The following CASK variants were observed in gnomAD, a reference collection of about 807,000 sequenced individuals.
CASK encodes the protein peripheral plasma membrane protein CASK.
In CASK, 4 loss-of-function variants were observed where a neutral mutation model predicts 82.9. That is an observed-to-expected ratio of 0.05 (90% CI 0.02 to 0.11). CASK has a LOEUF of 0.11. Ranked by LOEUF, CASK falls within the 10% of genes least tolerant of loss-of-function variation. The probability of loss-of-function intolerance (pLI) is 1.00; values close to 1 mark genes in which losing one functional copy is unlikely to be tolerated. For synonymous variants in CASK, 259 were observed against 253.5 expected (o/e 1.02, Z -0.20); for missense variants, 358 against 720.9 (o/e 0.50, Z 5.76).
chrX:41,545,828 C>A (rs1371203615), intron 21 of CASK, among the ~76,000 whole-genome samples: 2 of 109,609 alleles, frequency 1.8e-5, no homozygotes, highest in Non-Finnish European at 3.8e-5. Flanking sequence ...TAATTCCCCC[C>A]CCACCCCCGC....
chrX:41,664,789 C>T (rs191714494), intron 7 of CASK, among the ~76,000 whole-genome samples: 67 of 112,494 alleles, frequency 6.0e-4, no homozygotes, highest in African/African-American at 2.1e-3. Context: ...CACCTAATAG[C>T]CAAAGAAGAA....
At chrX:41,904,380 T>C (rs2148071889) in intron 1 of CASK, among the ~76,000 whole-genome samples, 1 of 111,844 alleles carries the variant, frequency 8.9e-6, no homozygotes, top group East Asian at 2.8e-4. Flanking sequence ...CATTTCTATA[T>C]ACTAACAACA....
intron 2 of CASK, among the ~76,000 whole-genome samples, chrX:41,807,789 A>G (rs1263232727): frequency 1.8e-5 from 2 of 111,713 alleles, no homozygotes; most frequent in African/African-American, 6.5e-5. Context: ...CACTCTCGCG[A>G]TAACAACATA....
chrX:41,610,112 C>A, intron 11 of CASK, 87 bp from the exon 12 acceptor site: 1 of 926,859 alleles, frequency 1.1e-6, no homozygotes, highest in Non-Finnish European at 1.5e-6. Flanking sequence ...CACTTAAGAA[C>A]AATGAATTCA....
chrX:41,584,155 T>A (rs1327552737), intron 14 of CASK: 3 of 113,026 alleles, frequency 2.7e-5, no homozygotes, highest in Admixed American at 9.3e-5. Context: ...GTTTTACTGA[T>A]AACTTACTAT....
chrX:41,899,231 C>T (rs2072324492), intron 1 of CASK, among the ~76,000 whole-genome samples: 1 of 111,252 alleles, frequency 9.0e-6, no homozygotes, highest in Non-Finnish European at 1.9e-5. Context: ...ATAAATATAG[C>T]CACCTCTATT....
intron 3 of CASK, 36 bp from the exon 4 acceptor site, chrX:41,745,637 G>C (rs1031841304): frequency 1.1e-6 from 1 of 940,316 alleles, no homozygotes; most frequent in Non-Finnish European, 1.5e-6. Flanking sequence ...TAAGAAAAGA[G>C]GAAATTCCAG....
chrX:41,698,174 A>T (rs1458851162), intron 5 of CASK: 1 of 112,204 alleles, frequency 8.9e-6, no homozygotes, highest in Non-Finnish European at 1.9e-5. Flanking sequence ...TAATATATAC[A>T]AGATACATAC....
At chrX:41,746,988 A>C (rs1369943545) in intron 3 of CASK, among the ~76,000 whole-genome samples, 2 of 111,533 alleles carry the variant, frequency 1.8e-5, no homozygotes, top group Admixed American at 1.9e-4. Flanking sequence ...AAGCCCTACA[A>C]CAGTTCCATG....
intron 18 of CASK, among the ~76,000 whole-genome samples, 182 bp from the exon 19 acceptor site, chrX:41,557,282 G>A (rs986051866): frequency 3.6e-5 from 4 of 111,492 alleles, no homozygotes; most frequent in African/African-American, 1.3e-4. Context: ...CAGTTCGAAG[G>A]CTCACATATT....
At chrX:41,582,720 G>T (rs1042586443) in intron 14 of CASK, among the ~76,000 whole-genome samples, 5 of 111,652 alleles carry the variant, frequency 4.5e-5, no homozygotes, top group Non-Finnish European at 9.4e-5. Flanking sequence ...AGCCACAAAG[G>T]ACTTCTGCTC....
chrX:41,529,493 G>A (rs1159394260), intron 25 of CASK: 4 of 120,859 alleles, frequency 3.3e-5, no homozygotes, highest in Non-Finnish European at 3.4e-5. Flanking sequence ...AGTCTGAGGA[G>A]CCCTGCAGCC....
intron 5 of CASK, among the ~76,000 whole-genome samples, chrX:41,700,726 C>T (rs752484482): frequency 1.9e-5 from 2 of 106,298 alleles, no homozygotes; most frequent in African/African-American, 3.4e-5. Context: ...ATTACAGGTG[C>T]GTGCCACCAT....
In CASK at chrX:41,720,904, C is replaced by A. The variant is rs73472507; in HGVS notation, c.429+18480G>T. Among the ~76,000 whole-genome samples the A allele has an allele frequency of 5.2e-3, 583 of 111,809 alleles. 4 individuals carry two copies. Among genetic ancestry groups the A allele is most frequent in the African/African-American group, 0.018 (568 of 30,736 alleles). ...TGCCCTTTGAAACACTCTCACTGAA[C>A]CACTCCAGATGAATTTTGGGGCCAG... On this transcript the variant is annotated intron_variant, in intron 5 of 26. Transcript: ENST00000378163.
intron 15 of CASK, among the ~76,000 whole-genome samples, chrX:41,572,133 G>A (rs189065619): frequency 1.8e-4 from 19 of 106,285 alleles, no homozygotes; most frequent in South Asian, 8.6e-4. Flanking sequence ...TCACCCAGGC[G>A]GAGCACAGTG....
intron 12 of CASK, among the ~76,000 whole-genome samples, chrX:41,609,553 CTTTT>C (rs564178433): frequency 2.1e-5 from 2 of 97,517 alleles, no homozygotes; most frequent in Non-Finnish European, 4.2e-5. Flanking sequence ...TATTCAATTT[CTTTT>C]TTTTTTTTTT....
chrX:41,537,118 A>C (rs2064884530), intron 22 of CASK, among the ~76,000 whole-genome samples: 1 of 111,794 alleles, frequency 8.9e-6, no homozygotes, highest in South Asian at 3.7e-4. Flanking sequence ...AAGACTTGTC[A>C]TTTTTTTAAA....
chrX:41,551,910 T>C (rs1158135994), intron 21 of CASK, among the ~76,000 whole-genome samples: 1 of 97,756 alleles, frequency 1.0e-5, no homozygotes, highest in Non-Finnish European at 2.0e-5. Flanking sequence ...AAAAAATTGG[T>C]CACTGAGCTC....
intron 5 of CASK, among the ~76,000 whole-genome samples, chrX:41,690,343 A>AT (rs2067521976): frequency 2.5e-5 from 1 of 39,657 alleles, no homozygotes; most frequent in Non-Finnish European, 4.0e-5. Flanking sequence ...GTGATTTTTA[A>AT]TTAAAAAAAA....
Sources: gnomAD v4.1 joint callset for allele counts (sites outside exome capture counted in the v4.1 genomes callset) on GRCh38, gnomAD v4.1.1 for gene constraint, MANE v1.5 for transcripts, NCBI Gene and HGNC (gene_info 2026-07-23, HGNC 2026-07-21) for gene names.